The following ASB18 variants were observed in gnomAD, a reference collection of about 807,000 sequenced individuals.
The protein encoded by ASB18 is ankyrin repeat and SOCS box containing 18, also known as ankyrin repeat and SOCS box protein 18.
In ASB18, 33 loss-of-function variants were observed where a neutral mutation model predicts 33.4. The observed-to-expected ratio is 0.99, with a 90% CI of 0.75 to 1.32. The LOEUF (loss-of-function observed/expected upper bound fraction) is 1.32, where lower values mean the gene tolerates loss of function less well. Ranked by LOEUF, ASB18 falls within the 40% of genes most tolerant of loss-of-function variation. The pLI, the probability that ASB18 is intolerant of heterozygous loss-of-function variation, is 0.00. For missense variants in ASB18, 694 were observed against 655.5 expected (o/e 1.06, Z -0.64); for synonymous variants, 295 against 307.6 (o/e 0.96, Z 0.43).
chr2:236,229,444 G>GA lies in ASB18; in HGVS notation c.596+8244dup, dbSNP rs993906179. Among the ~76,000 whole-genome samples, 20 of 151,878 alleles carry GA rather than the reference G, an allele frequency of 1.3e-4. No individual in the cohort carries two copies. The highest frequency in any genetic ancestry group is 8.5e-4 in the Admixed American group (13 of 15,236). ...CCTGAAGGAGAGTACTGGTTGTATA[G>GA]AAAAAAAATGTGAAGAAATAATTGC... On this transcript the variant is annotated intron_variant, in intron 3 of 5. Coordinates refer to ENST00000409749, the MANE Select transcript of ASB18 (RefSeq NM_212556.4). This position sits in a 1 kb window ranked among gnomAD's most constrained non-coding sequence, Gnocchi z 5.2.
Position 236,256,513 on chromosome 2 carries a change from C to T in ASB18, c.205+7628G>A, listed in dbSNP as rs1456802963. ...TAGTTCCTTCGGAATGTTTACTTCTCAAGCAGAGCACTTGTGGCAGGAAAC... is the reference window on the plus strand; with the variant it reads ...TAGTTCCTTCGGAATGTTTACTTCTTAAGCAGAGCACTTGTGGCAGGAAAC... On this transcript the variant is annotated intron_variant, in intron 1 of 5. Coordinates refer to ENST00000409749, the MANE Select transcript of ASB18 (RefSeq NM_212556.4). The surrounding 1 kb of genome is among the most constrained non-coding windows in gnomAD (Gnocchi z 4.7). Among the ~76,000 whole-genome samples the T allele has an allele frequency of 6.6e-6, 1 of 152,206 alleles. No individual in the cohort carries two copies. The highest frequency in any genetic ancestry group is 1.5e-5 in the Non-Finnish European group (1 of 68,044).
In ASB18 at chr2:236,214,341, C is replaced by A. The variant is rs2060473807; in HGVS notation, c.1101+21G>T. ...GGCAAAACTCCAGGGCACGTGCCAG[C>A]CGGGCTGGATCCTGCCTTACCTTGG... On this transcript the variant is annotated intron_variant, in intron 4 of 5. Coordinates refer to ENST00000409749, the MANE Select transcript of ASB18 (RefSeq NM_212556.4). This position sits in a 1 kb window ranked among gnomAD's most constrained non-coding sequence, Gnocchi z 6.5. 6.4e-7 allele frequency: 1 copy of A among 1,557,894 alleles called. No individual in the cohort carries two copies. The highest frequency in any genetic ancestry group is 1.4e-5 in the African/African-American group (1 of 73,368).
chr2:236,253,550 A>C lies in ASB18; in HGVS notation c.205+10591T>G. On this transcript the variant is annotated intron_variant, in intron 1 of 5. Coordinates refer to ENST00000409749, the MANE Select transcript of ASB18 (RefSeq NM_212556.4). This position sits in a 1 kb window ranked among gnomAD's most constrained non-coding sequence, Gnocchi z 5.4. The stretch of plus-strand genomic sequence containing the variant: ...TGCTGGTTAACTTATTATTATTATT[A>C]TTATTATTATTATTGTGGTGGGAGA... Among the ~76,000 whole-genome samples the C allele has an allele frequency of 6.6e-6, 1 of 151,042 alleles. No individual in the cohort carries two copies. Among genetic ancestry groups the C allele is most frequent in the South Asian group, 2.1e-4 (1 of 4,758 alleles).
chr2:236,225,262 C>G lies in ASB18; in HGVS notation c.597-10396G>C, dbSNP rs1462461225. The stretch of plus-strand genomic sequence containing the variant: ...TCAGCCTCCCAAGTAGCTGAGACTA[C>G]AGTTGTGTGCCACCATGCCTTGCTA... On this transcript the variant is annotated intron_variant, in intron 3 of 5. Coordinates refer to ENST00000409749, the MANE Select transcript of ASB18 (RefSeq NM_212556.4). This position sits in a 1 kb window ranked among gnomAD's most constrained non-coding sequence, Gnocchi z 5.1. Among the ~76,000 whole-genome samples the G allele has an allele frequency of 6.6e-6, 1 of 152,068 alleles. No homozygotes were observed. Among genetic ancestry groups the G allele is most frequent in the Non-Finnish European group, 1.5e-5 (1 of 68,014 alleles).
At position 236,215,371 on chromosome 2, in the gene ASB18, C is replaced by T. The variant is rs970527188; in HGVS notation, c.597-505G>A. On this transcript the variant is annotated intron_variant, in intron 3 of 5. Coordinates refer to ENST00000409749, the MANE Select transcript of ASB18 (RefSeq NM_212556.4). The surrounding 1 kb of genome is among the most constrained non-coding windows in gnomAD (Gnocchi z 7.2). ...CACCACGAAGGGACTTTCCCCATCCCTCAGGACACTGACTCAGGCTGGCAC... is the reference window on the plus strand; with the variant it reads ...CACCACGAAGGGACTTTCCCCATCCTTCAGGACACTGACTCAGGCTGGCAC... 1.3e-5 allele frequency among the ~76,000 whole-genome samples: 2 copies of T among 152,174 alleles called. No individual in the cohort carries two copies. The highest frequency in any genetic ancestry group is 4.8e-5 in the African/African-American group (2 of 41,434).
chr2:236,244,820 T>C lies in ASB18; in HGVS notation c.206-3418A>G, dbSNP rs1169580702. Among the ~76,000 whole-genome samples the C allele has an allele frequency of 6.6e-6, 1 of 152,182 alleles. No individual in the cohort carries two copies. The highest frequency in any genetic ancestry group is 1.5e-5 in the Non-Finnish European group (1 of 68,030). ...GTGGAGTAGAAATCGAACACATTTATGGTTTGATATAGATGTGTTTTGACC... is the reference window on the plus strand; with the variant it reads ...GTGGAGTAGAAATCGAACACATTTACGGTTTGATATAGATGTGTTTTGACC... On this transcript the variant is annotated intron_variant, in intron 1 of 5. Transcript: ENST00000409749. The surrounding 1 kb of genome is among the most constrained non-coding windows in gnomAD (Gnocchi z 6.1).
intron 2 of ASB18, among the ~76,000 whole-genome samples, chr2:236,240,998 T>C (rs748299254): frequency 6.6e-6 from 1 of 152,152 alleles, no homozygotes; most frequent in Non-Finnish European, 1.5e-5. Flanking sequence ...CACGGGCAGC[T>C]CCACACCTAA....
chr2:236,262,888 G>T lies in ASB18; in HGVS notation c.205+1253C>A, dbSNP rs112769669. 5.0e-4 allele frequency among the ~76,000 whole-genome samples: 76 copies of T among 152,138 alleles called. No homozygotes were observed. Among genetic ancestry groups the T allele is most frequent in the Admixed American group, 9.8e-4 (15 of 15,286 alleles). ...CAGAAAGTAGACCCAAACCAAGGGG[G>T]GGGGGCGGACCCCCTCGGAAGTTCC... On this transcript the variant is annotated intron_variant, in intron 1 of 5. Transcript: ENST00000409749. The surrounding 1 kb of genome is among the most constrained non-coding windows in gnomAD (Gnocchi z 5.2).
Position 236,209,747 on chromosome 2 carries a change from T to A in ASB18, c.1101+4615A>T, listed in dbSNP as rs1381175948. On this transcript the variant is annotated intron_variant, in intron 4 of 5. Coordinates refer to ENST00000409749, the MANE Select transcript of ASB18 (RefSeq NM_212556.4). This position sits in a 1 kb window ranked among gnomAD's most constrained non-coding sequence, Gnocchi z 4.4. ...ATCTCCTTCCTTGAAAATGATGTAA[T>A]CAACTCCCAATATTCCAAAGTCAGA... Among the ~76,000 whole-genome samples, 1 of 152,194 alleles carries A rather than the reference T, an allele frequency of 6.6e-6. No individual in the cohort carries two copies. Among genetic ancestry groups the A allele is most frequent in the East Asian group, 1.9e-4 (1 of 5,192 alleles).
In ASB18 at chr2:236,205,077, TCTC is replaced by T. The variant is rs1322012044; in HGVS notation, c.1102-8695_1102-8693del. ...TCCTAACTCATCTTTCGACATCTGT[TCTC>T]CTCTTTCTCAAGCATCTGCTTAACA... On this transcript the variant is annotated intron_variant, in intron 4 of 5. Transcript: ENST00000409749. This position sits in a 1 kb window ranked among gnomAD's most constrained non-coding sequence, Gnocchi z 5.4. Among the ~76,000 whole-genome samples, 7 of 152,304 alleles carry T rather than the reference TCTC, an allele frequency of 4.6e-5. No homozygotes were observed. The highest frequency in any genetic ancestry group is 1.9e-4 in the East Asian group (1 of 5,182).
rs1032705838 is a variant in ASB18, at chr2:236,252,511, G to T, written c.206-11109C>A. On this transcript the variant is annotated intron_variant, in intron 1 of 5. Transcript: ENST00000409749. The surrounding 1 kb of genome is among the most constrained non-coding windows in gnomAD (Gnocchi z 7.9). ...GGCATCTGAGCAAAGTGACAGGGAG[G>T]TGTAGGACACGGAAGGTGCATTTCC... 6.6e-6 allele frequency among the ~76,000 whole-genome samples: 1 copy of T among 152,112 alleles called. No homozygotes were observed. The highest frequency in any genetic ancestry group is 6.5e-5 in the Admixed American group (1 of 15,284).
Position 236,257,878 on chromosome 2 carries a change from G to C in ASB18, c.205+6263C>G, listed in dbSNP as rs1416958306. On this transcript the variant is annotated intron_variant, in intron 1 of 5. Coordinates refer to ENST00000409749, the MANE Select transcript of ASB18 (RefSeq NM_212556.4). The surrounding 1 kb of genome is among the most constrained non-coding windows in gnomAD (Gnocchi z 5.5). ...AAGGTGTGTCATGCAACTTCTCCAA[G>C]CCTCATTTTCCTCAGCTGGAGGAGT... 6.6e-6 allele frequency among the ~76,000 whole-genome samples: 1 copy of C among 152,164 alleles called. No individual in the cohort carries two copies. Among genetic ancestry groups the C allele is most frequent in the Non-Finnish European group, 1.5e-5 (1 of 68,032 alleles).
In ASB18 at chr2:236,194,996, T is replaced by C. The variant is rs757755277; in HGVS notation, c.1277A>G (p.His426Arg). 6.2e-6 allele frequency: 10 copies of C among 1,613,780 alleles called. No homozygotes were observed. Among genetic ancestry groups the C allele is most frequent in the Non-Finnish European group, 8.5e-6 (10 of 1,179,870 alleles). The change falls in exon 6 of 6, where the codon CAT becomes CGT. Residue 426 changes from histidine to arginine, a missense_variant. Coordinates refer to ENST00000409749, the MANE Select transcript of ASB18 (RefSeq NM_212556.4). This position sits in a 1 kb window ranked among gnomAD's most constrained non-coding sequence, Gnocchi z 4.5. ...TCTGCGAAGAGCACAGCGGCAAAGA[T>C]GCTGCAGGCAGCGTGGGGTGAGGGC... ...ALALTPRCLQ[H>R]LCRCALRRLF...
In ASB18 at chr2:236,264,251, A is replaced by G. The variant is rs1207323761; in HGVS notation, c.95T>C (p.Val32Ala). ...GATTTCAGTGCAGATTAAATCCCTC[A>G]CTCTCTCCTCATCTTTGGCATCCAG... ...SALDAKDEER[V>A]RDLICTEITP... The change falls in exon 1 of 6, where the codon GTG (valine) becomes GCG (alanine). Residue 32 changes from valine to alanine, a missense_variant. Val to Ala is a moderately conservative substitution (Grantham distance 64). Transcript: ENST00000409749. The surrounding 1 kb of genome is among the most constrained non-coding windows in gnomAD (Gnocchi z 5.1). 1.2e-6 allele frequency: 2 copies of G among 1,613,382 alleles called. No homozygotes were observed. Among genetic ancestry groups the G allele is most frequent in the Non-Finnish European group, 1.7e-6 (2 of 1,179,788 alleles).
rs189604812 is a variant in ASB18, at chr2:236,259,973, C to T, written c.205+4168G>A. On this transcript the variant is annotated intron_variant, in intron 1 of 5. Transcript: ENST00000409749. The surrounding 1 kb of genome is among the most constrained non-coding windows in gnomAD (Gnocchi z 4.4). ...CATTGGATGCCACTTTTTCTCTATG[C>T]TTTTTTTTGGTGATGTTGACATGGA... Among the ~76,000 whole-genome samples the T allele has an allele frequency of 6.2e-4, 95 of 152,062 alleles. No individual in the cohort carries two copies. The East Asian group carries it at 6.4e-3, about 10-fold the overall frequency.
At position 236,239,118 on chromosome 2, in the gene ASB18, G is replaced by T. The variant is rs773202304; in HGVS notation, c.329-1162C>A. On this transcript the variant is annotated intron_variant, in intron 2 of 5. Transcript: ENST00000409749. This position sits in a 1 kb window ranked among gnomAD's most constrained non-coding sequence, Gnocchi z 5.6. ...TGCCCTTCCCAGTGAAGACCAGGTC[G>T]GATCTGGAGGGGGTGATGGATGTAG... Among the ~76,000 whole-genome samples the T allele has an allele frequency of 1.3e-5, 2 of 152,172 alleles. No homozygotes were observed. The highest frequency in any genetic ancestry group is 2.9e-5 in the Non-Finnish European group (2 of 68,038).
Position 236,195,932 on chromosome 2 carries a change from G to A in ASB18, c.1215+340C>T. The A allele has an allele frequency of 8.5e-6, 3 of 354,438 alleles. No individual in the cohort carries two copies. The highest frequency in any genetic ancestry group is 7.5e-5 in the South Asian group (3 of 39,784). The allele number at this position is 354,438 out of a possible 1,614,324, so 22.0% of individuals were successfully genotyped here. A position where few individuals can be genotyped will look rare whatever the true frequency, so the allele number is the denominator to read the frequency against. On this transcript the variant is annotated intron_variant, in intron 5 of 5. Coordinates refer to ENST00000409749, the MANE Select transcript of ASB18 (RefSeq NM_212556.4). This position sits in a 1 kb window ranked among gnomAD's most constrained non-coding sequence, Gnocchi z 5.5. ...CTGGAGCATGAAGCTGACTCACAGGGCCGGATTAGTATGTCCTGACGTGGA... is the reference window on the plus strand; with the variant it reads ...CTGGAGCATGAAGCTGACTCACAGGACCGGATTAGTATGTCCTGACGTGGA...
Position 236,249,285 on chromosome 2 carries a change from T to C in ASB18, c.206-7883A>G, listed in dbSNP as rs1279565398. Reference sequence around the variant, plus strand: ...TGTACCTTCTGCTCTCCTCCCACAATGGCGGCCACAATTGGCTTCTTTGAT... The same window carrying C: ...TGTACCTTCTGCTCTCCTCCCACAACGGCGGCCACAATTGGCTTCTTTGAT... On this transcript the variant is annotated intron_variant, in intron 1 of 5. Coordinates refer to ENST00000409749, the MANE Select transcript of ASB18 (RefSeq NM_212556.4). The surrounding 1 kb of genome is among the most constrained non-coding windows in gnomAD (Gnocchi z 4.6). 6.6e-6 allele frequency: 1 copy of C among 152,232 alleles called. No individual in the cohort carries two copies. The highest frequency in any genetic ancestry group is 1.5e-5 in the Non-Finnish European group (1 of 68,060). 9.4% of individuals were successfully genotyped at this position (152,232 alleles called of 1,614,324 possible).
At chr2:236,236,071 G>A (rs953773018) in intron 3 of ASB18, among the ~76,000 whole-genome samples, 7 of 152,160 alleles carry the variant, frequency 4.6e-5, no homozygotes, top group South Asian at 2.1e-4. Flanking sequence ...CCATTCAAAG[G>A]CTGGCACACA....
Sources: allele counts gnomAD v4.1 joint callset (sites outside exome capture counted in the v4.1 genomes callset), GRCh38; gene constraint gnomAD v4.1.1; non-coding constraint Gnocchi (gnomAD v3.1); transcripts MANE v1.5; gene names NCBI Gene and HGNC (gene_info 2026-07-23, HGNC 2026-07-21).